The following ST14 variants were observed in gnomAD, a reference collection of about 807,000 sequenced individuals.
ST14 encodes ST14 transmembrane serine protease matriptase.
A neutral mutation model predicts 96.5 loss-of-function variants in ST14; 40 were observed. The ratio of observed to expected loss-of-function variants is 0.41; its 90% CI spans 0.32 to 0.54. ST14 has a LOEUF of 0.54. ST14 is among the 20% of genes least tolerant of loss of function. The pLI, the probability that ST14 is intolerant of heterozygous loss-of-function variation, is 0.17. For synonymous variants in ST14, 506 were observed against 492.1 expected (o/e 1.03, Z -0.37); for missense variants, 1,066 against 1,188.9 (o/e 0.90, Z 1.52).
In ST14 at chr11:130,198,517, C is replaced by G. The variant is rs1224396518; in HGVS notation, c.1580C>G (p.Ala527Gly). 1.2e-6 allele frequency: 2 copies of G among 1,613,916 alleles called. No homozygotes were observed. The highest frequency in any genetic ancestry group is 1.7e-5 in the Admixed American group (1 of 60,000). The change falls in exon 14 of 19, where the codon GCC becomes GGC. Residue 527 changes from alanine to glycine, a missense_variant. By Grantham distance (60) the Ala-to-Gly change is moderately conservative. Coordinates refer to ENST00000278742, the MANE Select transcript of ST14 (RefSeq NM_021978.4). ...CCTGGTGCCTCTCCAGGTTGTCCGG[C>G]CCAGACCTTCAGGTGTTCCAATGGG... ...NSDEQGCSCP[A>G]QTFRCSNGKC...
At position 130,188,835 on chromosome 11, in the gene ST14, A is replaced by G. The variant is rs771042511; in HGVS notation, c.370-34A>G. On this transcript the variant is annotated intron_variant, in intron 3 of 18. Transcript: ENST00000278742. The surrounding 1 kb of genome is among the most constrained non-coding windows in gnomAD (Gnocchi z 5.4). ...GGGCTTGGGGCAGGGTCATCGCCGC[A>G]TGGGGCTCACCTTGAGTCTCTGCCC... The G allele has an allele frequency of 6.8e-6, 11 of 1,609,840 alleles. No homozygotes were observed. Among genetic ancestry groups the G allele is most frequent in the Admixed American group, 5.1e-5 (3 of 59,110 alleles).
chr11:130,198,894 G>T, intron 14 of ST14, 53 bp from the exon 15 acceptor site: 1 of 1,612,020 alleles, frequency 6.2e-7, no homozygotes, highest in South Asian at 1.1e-5. Context: ...TCTGGCTTCT[G>T]GTCGGATGCT....
In ST14 at chr11:130,209,834, C is replaced by G. The variant is rs775084592; in HGVS notation, c.*11C>G. 1 of 1,612,760 alleles carries G rather than the reference C, an allele frequency of 6.2e-7. No homozygotes were observed. The highest frequency in any genetic ancestry group is 8.5e-7 in the Non-Finnish European group (1 of 1,179,996). On this transcript the variant is annotated 3_prime_UTR_variant, in exon 19 of 19. Coordinates refer to ENST00000278742, the MANE Select transcript of ST14 (RefSeq NM_021978.4). ...AACACTGGGGTATAGGGGCCGGGGC[C>G]ACCCAAATGTGTACACCTGCGGGGC...
chr11:130,186,014 G>A (rs947284639), intron 1 of ST14, among the ~76,000 whole-genome samples: 56 of 151,946 alleles, frequency 3.7e-4, no homozygotes, highest in African/African-American at 1.3e-3. Context: ...CACCATGTTG[G>A]CTGGGCTGGT....
chr11:130,167,011 G>C lies in ST14; in HGVS notation c.81+6951G>C, dbSNP rs866840418. On this transcript the variant is annotated intron_variant, in intron 1 of 18. Transcript: ENST00000278742. ...GGATCACTTGAGGTCAGGAGTTCAA[G>C]ACTAGCCTGGCCAACATGGTGAAAC... Among the ~76,000 whole-genome samples the C allele has an allele frequency of 5.3e-5, 8 of 152,332 alleles. No homozygotes were observed. The South Asian group carries it at 1.7e-3, about 32-fold the overall frequency.
Position 130,196,458 on chromosome 11 carries a change from CG to C in ST14, c.1223+15del. The C allele has an allele frequency of 6.2e-7, 1 of 1,602,152 alleles. No individual in the cohort carries two copies. The highest frequency in any genetic ancestry group is 8.5e-7 in the Non-Finnish European group (1 of 1,173,836). ...AGATCAACGGGGAGAAGTGAGTCCC[CG>C]GGGGTATGGGGGCTGCCGGGCCCAT... On this transcript the variant is annotated intron_variant, in intron 10 of 18. Coordinates refer to ENST00000278742, the MANE Select transcript of ST14 (RefSeq NM_021978.4).
chr11:130,178,865 G>A (rs1953165096), intron 1 of ST14, among the ~76,000 whole-genome samples: 1 of 152,234 alleles, frequency 6.6e-6, no homozygotes, highest in African/African-American at 2.4e-5. Flanking sequence ...GCAGCTGGCT[G>A]GGTCTGCAGC....
In ST14 at chr11:130,188,078, G is replaced by A. The variant is rs760577527; in HGVS notation, c.82-36G>A. ...AGCGGGGTGCAGGGGAAGAGCGGGTGAGAGGGTCTGAGTGGTGGCGCCTCT... is the reference window on the plus strand; with the variant it reads ...AGCGGGGTGCAGGGGAAGAGCGGGTAAGAGGGTCTGAGTGGTGGCGCCTCT... On this transcript the variant is annotated intron_variant, in intron 1 of 18. Coordinates refer to ENST00000278742, the MANE Select transcript of ST14 (RefSeq NM_021978.4). The surrounding 1 kb of genome is among the most constrained non-coding windows in gnomAD (Gnocchi z 5.4). 6.2e-7 allele frequency: 1 copy of A among 1,612,912 alleles called. No homozygotes were observed. The highest frequency in any genetic ancestry group is 1.7e-5 in the Admixed American group (1 of 59,910).
At chr11:130,203,894 T>C (rs1763526760) in intron 16 of ST14, among the ~76,000 whole-genome samples, 1 of 152,186 alleles carries the variant, frequency 6.6e-6, no homozygotes, top group South Asian at 2.1e-4. Flanking sequence ...CCACGGGTGA[T>C]CTGCCTGCCT....
intron 1 of ST14, among the ~76,000 whole-genome samples, chr11:130,186,559 G>A (rs1033635436): frequency 6.6e-5 from 10 of 152,178 alleles, no homozygotes; most frequent in African/African-American, 2.4e-4. Flanking sequence ...AAAGATTTGG[G>A]TACAAGTTAA....
Position 130,159,910 on chromosome 11 carries a change from C to T in ST14, c.-70C>T, listed in dbSNP as rs1043868571. 3.1e-5 allele frequency: 31 copies of T among 1,006,372 alleles called. No individual in the cohort carries two copies. Among genetic ancestry groups the T allele is most frequent in the Middle Eastern group, 3.8e-4 (1 of 2,636 alleles). 62.3% of individuals were successfully genotyped at this position (1,006,372 alleles called of 1,614,324 possible). On this transcript the variant is annotated 5_prime_UTR_variant, in exon 1 of 19. Coordinates refer to ENST00000278742, the MANE Select transcript of ST14 (RefSeq NM_021978.4). ...GCCGCCTGCGCCCCGCGCCCCGCGC[C>T]CTGCGGGCCATGGGAGCCGGCCGCC... is the stretch of plus-strand genomic sequence containing the variant.
chr11:130,196,459 G>C lies in ST14; in HGVS notation c.1223+11G>C, dbSNP rs370213021. The stretch of plus-strand genomic sequence containing the variant: ...GATCAACGGGGAGAAGTGAGTCCCC[G>C]GGGGTATGGGGGCTGCCGGGCCCAT... On this transcript the variant is annotated intron_variant, in intron 10 of 18. Coordinates refer to ENST00000278742, the MANE Select transcript of ST14 (RefSeq NM_021978.4). 2 of 1,600,088 alleles carry C rather than the reference G, an allele frequency of 1.2e-6. No homozygotes were observed. Among genetic ancestry groups the C allele is most frequent in the African/African-American group, 2.7e-5 (2 of 74,732 alleles).
intron 11 of ST14, among the ~76,000 whole-genome samples, chr11:130,197,158 A>G (rs193213010): frequency 6.6e-6 from 1 of 152,374 alleles, no homozygotes; most frequent in African/African-American, 2.4e-5. Context: ...CCTGCGTCAT[A>G]GAATAACCTT....
chr11:130,191,527 T>C (rs986085965), intron 7 of ST14, among the ~76,000 whole-genome samples: 2 of 147,414 alleles, frequency 1.4e-5, no homozygotes, highest in African/African-American at 5.0e-5. Context: ...CTGTCTCTAC[T>C]AAAAATACAA....
At chr11:130,208,384 A>G in intron 16 of ST14, 26 bp from the exon 17 acceptor site, 1 of 1,613,782 alleles carries the variant, frequency 6.2e-7, no homozygotes, top group Non-Finnish European at 8.5e-7. Context: ...GTGACCGCGC[A>G]GTCTCATAGC....
intron 1 of ST14, among the ~76,000 whole-genome samples, chr11:130,170,568 A>G (rs1418495403): frequency 6.6e-6 from 1 of 152,020 alleles, no homozygotes; most frequent in East Asian, 1.9e-4. Flanking sequence ...GGCAAGGCTC[A>G]GCTTTGGCCT....
In ST14 at chr11:130,187,619, T is replaced by C. The variant is rs371869354; in HGVS notation, c.82-495T>C. On this transcript the variant is annotated intron_variant, in intron 1 of 18. Coordinates refer to ENST00000278742, the MANE Select transcript of ST14 (RefSeq NM_021978.4). The surrounding 1 kb of genome is among the most constrained non-coding windows in gnomAD (Gnocchi z 4.5). Reference sequence around the variant, plus strand: ...CAGTTGAGTGCTGGCCACAGGCTCCTGGGCCAGGTGATGGGGGGATTGAAT... The same window carrying C: ...CAGTTGAGTGCTGGCCACAGGCTCCCGGGCCAGGTGATGGGGGGATTGAAT... 1.1e-3 allele frequency among the ~76,000 whole-genome samples: 171 copies of C among 152,226 alleles called. No individual in the cohort carries two copies. In the South Asian group the frequency reaches 0.012, roughly 10 times the overall value.
intron 1 of ST14, among the ~76,000 whole-genome samples, chr11:130,165,128 C>T (rs754996297): frequency 1.1e-4 from 17 of 152,130 alleles, no homozygotes; most frequent in African/African-American, 1.9e-4. Context: ...AAAATAGTGG[C>T]GGAATCTAGA....
chr11:130,164,043 G>A (rs1258278973), intron 1 of ST14, among the ~76,000 whole-genome samples: 6 of 152,316 alleles, frequency 3.9e-5, no homozygotes, highest in African/African-American at 1.4e-4. Flanking sequence ...TGGCCCTCAA[G>A]TTCCCTGATG....
Sources: gnomAD v4.1 joint callset for allele counts (sites outside exome capture counted in the v4.1 genomes callset) on GRCh38, gnomAD v4.1.1 for gene constraint, Gnocchi (gnomAD v3.1) non-coding constraint, MANE v1.5 for transcripts, NCBI Gene and HGNC (gene_info 2026-07-23, HGNC 2026-07-21) for gene names.